PTGDR: variants seen among roughly 807,000 people sequenced by gnomAD.
PTGDR encodes PGD2 receptor.
A neutral mutation model predicts 17.4 loss-of-function variants in PTGDR; 19 were observed. The ratio of observed to expected loss-of-function variants is 1.09; its 90% CI spans 0.76 to 1.60. The LOEUF (loss-of-function observed/expected upper bound fraction) is 1.60. Ranked by LOEUF, PTGDR falls within the 40% of genes most tolerant of loss-of-function variation. The probability of loss-of-function intolerance (pLI) is 0.00; values close to 1 mark genes in which losing one functional copy is unlikely to be tolerated. For synonymous variants in PTGDR, 267 were observed against 224.2 expected (o/e 1.19, Z -1.71); for missense variants, 526 against 481.9 (o/e 1.09, Z -0.86).
intron 1 of PTGDR, among the ~76,000 whole-genome samples, chr14:52,272,492 A>G (rs2033340125): frequency 6.6e-6 from 1 of 151,322 alleles, no homozygotes; most frequent in Non-Finnish European, 1.5e-5. Context: ...ATACATGGGC[A>G]TTTTTAAAAG....
rs1401412481 is a variant in PTGDR, at chr14:52,268,525, C to T, written c.711C>T (p.Arg237=). 3 of 1,612,270 alleles carry T rather than the reference C, an allele frequency of 1.9e-6. No individual in the cohort carries two copies. The highest frequency in any genetic ancestry group is 4.5e-5 in the East Asian group (2 of 44,872). ...ACCGGCGGCTGCAGCGGCACCCGCGCTCCTGCACCAGGGACTGTGCCGAGC... is the reference window on the plus strand; with the variant it reads ...ACCGGCGGCTGCAGCGGCACCCGCGTTCCTGCACCAGGGACTGTGCCGAGC... ...AMHRRLQRHP[R]SCTRDCAEPR... is the part of the protein sequence containing the mutation. Residue 237 remains arginine, a synonymous_variant, in exon 1 of 2, where the codon CGC becomes CGT. Transcript: ENST00000306051.
chr14:52,272,885 T>C (rs2033347614), intron 1 of PTGDR, among the ~76,000 whole-genome samples: 1 of 152,174 alleles, frequency 6.6e-6, no homozygotes, highest in Non-Finnish European at 1.5e-5. Context: ...TTTACCTGGC[T>C]TACAGACCCT....
intron 1 of PTGDR, among the ~76,000 whole-genome samples, chr14:52,274,214 T>C (rs17831669): frequency 0.082 from 12,490 of 152,212 alleles, 575 homozygotes; most frequent in South Asian, 0.16. Flanking sequence ...TCTCTTCACA[T>C]TGATTAAAAG....
intron 1 of PTGDR, chr14:52,269,550 T>TC (rs764159203): frequency 2.6e-6 from 4 of 1,522,832 alleles, no homozygotes; most frequent in Non-Finnish European, 3.5e-6. Context: ...AGGTACCTGT[T>TC]CAACAAAAAC....
chr14:52,267,812 G>T lies in PTGDR; in HGVS notation c.-3G>T, dbSNP rs752348088. ...TCACTCCAGCCCTCTGCTCCCGCAC[G>T]CCATGAAGTCGCCGTTCTACCGCTG... On this transcript the variant is annotated 5_prime_UTR_variant, in exon 1 of 2. Transcript: ENST00000306051. 7.1e-6 allele frequency: 11 copies of T among 1,549,426 alleles called. No homozygotes were observed. Among genetic ancestry groups the T allele is most frequent in the Middle Eastern group, 3.6e-4 (2 of 5,568 alleles).
At chr14:52,274,608 G>T in intron 1 of PTGDR, 123 bp from the exon 2 acceptor site, 2 of 814,122 alleles carry the variant, frequency 2.5e-6, no homozygotes, top group Non-Finnish European at 3.9e-6. Flanking sequence ...ACTTGTAAAT[G>T]TACCAAAAAT....
rs1200313568 is a variant in PTGDR at position 52,268,291 on chromosome 14, C to T, written c.477C>T (p.Phe159=). 6.2e-7 allele frequency: 1 copy of T among 1,613,966 alleles called. No homozygotes were observed. Residue 159 remains phenylalanine (F), a synonymous_variant, in exon 1 of 2, where the codon TTC becomes TTT. Coordinates refer to ENST00000306051, the MANE Select transcript of PTGDR (RefSeq NM_000953.3). ...GALVAPVVSA[F]SLAFCALPFM... is the part of the protein sequence containing the mutation. ...TGGTGGCCCCGGTGGTGAGCGCCTT[C>T]TCCCTGGCTTTCTGCGCGCTACCTT... is the stretch of plus-strand genomic sequence containing the variant.
At chr14:52,272,028 C>G (rs1160836707) in intron 1 of PTGDR, among the ~76,000 whole-genome samples, 4 of 152,056 alleles carry the variant, frequency 2.6e-5, no homozygotes, top group East Asian at 1.9e-4. Flanking sequence ...AAATATAGTT[C>G]CAACTATTTG....
Position 52,268,308 on chromosome 14 carries a change from C to A in PTGDR, c.494C>A (p.Ala165Glu), listed in dbSNP as rs201178957. 1.5e-5 allele frequency: 25 copies of A among 1,613,960 alleles called. No individual in the cohort carries two copies. Among genetic ancestry groups the A allele is most frequent in the Non-Finnish European group, 2.1e-5 (25 of 1,180,048 alleles). Residue 165 changes from alanine (A) to glutamate (E), a missense_variant, in exon 1 of 2, where the codon GCG becomes GAG. Ala to Glu is a moderately radical substitution (Grantham distance 107). Transcript: ENST00000306051. ...VVSAFSLAFC[A>E]LPFMGFGKFV... ...AGCGCCTTCTCCCTGGCTTTCTGCG[C>A]GCTACCTTTCATGGGCTTCGGGAAG... is the stretch of plus-strand genomic sequence containing the variant.
At chr14:52,272,539 G>A (rs932880119) in intron 1 of PTGDR, among the ~76,000 whole-genome samples, 4 of 151,862 alleles carry the variant, frequency 2.6e-5, no homozygotes, top group South Asian at 2.1e-4. Flanking sequence ...TGAGAAGAAC[G>A]CCCTCTGATG....
downstream of PTGDR, among the ~76,000 whole-genome samples, chr14:52,277,181 G>A (rs989258650): frequency 2.6e-5 from 4 of 152,356 alleles, no homozygotes; most frequent in African/African-American, 9.6e-5. Flanking sequence ...GGGTAGAGAG[G>A]AATGTCAACA....
chr14:52,267,857 G>GA lies in PTGDR; in HGVS notation c.48dup (p.Gly17ArgfsTer275), dbSNP rs1457807755. The GA allele has an allele frequency of 6.3e-7, 1 of 1,597,040 alleles. No homozygotes were observed. Among genetic ancestry groups the GA allele is most frequent in the Non-Finnish European group, 8.5e-7 (1 of 1,170,930 alleles). ...CCGCTGCCAGAACACCACCTCTGTG[G>GA]AAAAAGGCAACTCGGCGGTGATGGG... On this transcript the variant is annotated frameshift_variant, in exon 1 of 2. Coordinates refer to ENST00000306051, the MANE Select transcript of PTGDR (RefSeq NM_000953.3). LOFTEE classifies it high-confidence loss of function.
chr14:52,268,798 T>TC (rs1375203893), intron 1 of PTGDR, 138 bp downstream of exon 1: 1 of 934,002 alleles, frequency 1.1e-6, no homozygotes, highest in Non-Finnish European at 1.6e-6. Context: ...GCTGCTGAGT[T>TC]CCCCAAATTG....
chr14:52,279,987 G>A (rs780494852), downstream of PTGDR, among the ~76,000 whole-genome samples: 1 of 152,006 alleles, frequency 6.6e-6, no homozygotes, highest in Non-Finnish European at 1.5e-5. Flanking sequence ...ATCTTAAACT[G>A]AGTAAGCACT....
chr14:52,271,990 C>T (rs2033330532), intron 1 of PTGDR, among the ~76,000 whole-genome samples: 1 of 151,996 alleles, frequency 6.6e-6, no homozygotes, highest in Non-Finnish European at 1.5e-5. Flanking sequence ...TTCTATTTGC[C>T]CCTTTCTCCT....
rs2033427008 is a variant in PTGDR at position 52,276,427 on chromosome 14, A to G, written c.*1463A>G. 1 of 152,194 alleles carries G rather than the reference A, an allele frequency of 6.6e-6. No individual in the cohort carries two copies. The highest frequency in any genetic ancestry group is 6.5e-5 in the Admixed American group (1 of 15,280). 9.4% of individuals were successfully genotyped at this position (152,194 alleles called of 1,614,324 possible). A position where few individuals can be genotyped will look rare whatever the true frequency, so the allele number is the denominator to read the frequency against. On this transcript the variant is annotated 3_prime_UTR_variant, in exon 2 of 2. Coordinates refer to ENST00000306051, the MANE Select transcript of PTGDR (RefSeq NM_000953.3). ...TTGTTTCACTTATGTTTTTTCCAGT[A>G]TCTGAGATAATATAAAGCTGGGTAA... is the stretch of plus-strand genomic sequence containing the variant.
In PTGDR at chr14:52,268,014, G is replaced by A. The variant is rs1003511753; in HGVS notation, c.200G>A (p.Gly67Asp). The change falls in exon 1 of 2, where the codon GGC becomes GAC. Residue 67 changes from glycine (G) to aspartate (D), a missense_variant. Gly to Asp is a moderately conservative substitution (Grantham distance 94, BLOSUM62 -1). Transcript: ENST00000306051. ...LPSVFYMLVCGLTVTDLLGKC... is the reference protein window; with the variant it reads ...LPSVFYMLVCDLTVTDLLGKC... ...TCGGTCTTCTACATGCTGGTGTGTG[G>A]CCTGACGGTCACCGACTTGCTGGGC... The A allele has an allele frequency of 1.2e-5, 20 of 1,610,432 alleles. No individual in the cohort carries two copies. The highest frequency in any genetic ancestry group is 1.7e-5 in the Non-Finnish European group (20 of 1,180,012).
At position 52,268,564 on chromosome 14, in the gene PTGDR, G is replaced by T; in HGVS notation, c.750G>T (p.Gly250=). The change falls in exon 1 of 2, where the codon GGG becomes GGT. Residue 250 remains glycine, a synonymous_variant. Coordinates refer to ENST00000306051, the MANE Select transcript of PTGDR (RefSeq NM_000953.3). ...ACTGTGCCGAGCCGCGCGCGGACGG[G>T]AGGGAAGCGTCCCCTCAGCCCCTGG... ...TRDCAEPRAD[G]REASPQPLEE... 1 of 1,612,730 alleles carries T rather than the reference G, an allele frequency of 6.2e-7. No homozygotes were observed. Among genetic ancestry groups the T allele is most frequent in the Non-Finnish European group, 8.5e-7 (1 of 1,179,588 alleles).
At chr14:52,277,171 G>A (rs1180729828), downstream of PTGDR, among the ~76,000 whole-genome samples, 2 of 152,178 alleles carry the variant, frequency 1.3e-5, no homozygotes, top group Non-Finnish European at 2.9e-5. Flanking sequence ...TTGTCCACTG[G>A]GGTAGAGAGG....
Sources: gnomAD v4.1 joint callset for allele counts (sites outside exome capture counted in the v4.1 genomes callset) on GRCh38, gnomAD v4.1.1 for gene constraint, MANE v1.5 for transcripts, NCBI Gene and HGNC (gene_info 2026-07-23, HGNC 2026-07-21) for gene names.